HAO2: variants seen among roughly 807,000 people sequenced by gnomAD.
The protein encoded by HAO2 is hydroxyacid oxidase 2, also known as 2-Hydroxyacid oxidase 2.
A neutral mutation model predicts 37.4 loss-of-function variants in HAO2; 42 were observed. The ratio of observed to expected loss-of-function variants is 1.12; its 90% CI spans 0.88 to 1.45. The LOEUF is 1.45. HAO2 is among the 40% of genes most tolerant of loss of function. The pLI, the probability that HAO2 is intolerant of heterozygous loss-of-function variation, is 0.00. For missense variants in HAO2, 476 were observed against 430.2 expected, an observed-to-expected ratio of 1.11 and a Z score of -0.94; for synonymous variants, 180 against 162.8, an observed-to-expected ratio of 1.11 and a Z score of -0.81.
chr1:119,387,861 T>C (rs1385690024), intron 5 of HAO2, among the ~76,000 whole-genome samples: 1 of 152,196 alleles, frequency 6.6e-6, no homozygotes, highest in Non-Finnish European at 1.5e-5. Flanking sequence ...TTCTTTAAGA[T>C]AAATTCCAGG....
At chr1:119,390,273 T>C (rs587654051) in intron 5 of HAO2, among the ~76,000 whole-genome samples, 3 of 152,266 alleles carry the variant, frequency 2.0e-5, no homozygotes, top group South Asian at 4.2e-4. Flanking sequence ...TTTTTTTATT[T>C]GTAGTTTCAC....
chr1:119,384,904 A>G lies in HAO2; in HGVS notation c.412A>G (p.Asn138Asp), dbSNP rs989739010. The change falls in exon 4 of 8, where the codon AAC becomes GAC. Residue 138 changes from asparagine (N) to aspartate (D), a missense_variant. Transcript: ENST00000325945. Reference protein sequence around the residue: ...QLYVHPDLQLNKQLIQRVESL... With the variant: ...QLYVHPDLQLDKQLIQRVESL... ...CTATGTGCATCCAGACCTGCAGCTG[A>G]ACAAACAGTTGATCCAGAGGGTAGA... is the stretch of plus-strand genomic sequence containing the variant. 14 of 1,613,908 alleles carry G rather than the reference A, an allele frequency of 8.7e-6. No homozygotes were observed. Among genetic ancestry groups the G allele is most frequent in the Non-Finnish European group, 1.2e-5 (14 of 1,179,918 alleles).
rs764148838 is a variant in HAO2 at position 119,393,811 on chromosome 1, C to T, written c.1027C>T (p.Arg343Ter). The T allele has an allele frequency of 1.8e-5, 29 of 1,613,158 alleles. No homozygotes were observed. Among genetic ancestry groups the T allele is most frequent in the South Asian group, 7.7e-5 (7 of 91,036 alleles). ...CTGCCGGTCGGTCGCTGAGATCAAT[C>T]GAAACTTGGTCCAGTTTTCCAGGCT... The part of the protein sequence containing the change: ...TGCRSVAEIN[R>*]NLVQFSRL The change falls in exon 8 of 8, where the codon CGA (arginine) becomes TGA (stop). Residue 343 changes from arginine to a stop codon, truncating the protein, a stop_gained. Transcript: ENST00000325945. LOFTEE classifies it high-confidence loss of function.
chr1:119,386,370 T>C (rs1390401658), intron 4 of HAO2, among the ~76,000 whole-genome samples: 1 of 152,002 alleles, frequency 6.6e-6, no homozygotes, highest in South Asian at 2.1e-4. Flanking sequence ...TGCACCACGA[T>C]TTATTTTTTT....
chr1:119,386,779 G>T lies in HAO2; in HGVS notation c.719G>T (p.Gly240Val), dbSNP rs1557853600. ...AELAVKHNVQ[G>V]IIVSNHGGRQ... ...TTAGCTGTGAAGCACAATGTCCAGGGTATCATTGTTTCCAACCATGGTGGG... is the reference window on the plus strand; with the variant it reads ...TTAGCTGTGAAGCACAATGTCCAGGTTATCATTGTTTCCAACCATGGTGGG... Residue 240 changes from glycine to valine, a missense_variant, in exon 5 of 8, where the codon GGT becomes GTT. By Grantham distance (109) the Gly-to-Val change is moderately radical. Coordinates refer to ENST00000325945, the MANE Select transcript of HAO2 (RefSeq NM_016527.4). 1 of 1,613,612 alleles carries T rather than the reference G, an allele frequency of 6.2e-7. No individual in the cohort carries two copies. Among genetic ancestry groups the T allele is most frequent in the Non-Finnish European group, 8.5e-7 (1 of 1,179,556 alleles).
rs142240262 is a variant in HAO2 at position 119,369,881 on chromosome 1, T to TC, written c.-9+987dup. 3.1e-3 allele frequency among the ~76,000 whole-genome samples: 474 copies of TC among 151,360 alleles called. 12 individuals are homozygous for TC. The East Asian group carries it at 0.058, about 19-fold the overall frequency. ...AGAGCAGAAACTGATGTGATAAAGG[T>TC]CCCCCCCCATATCTCTAGTGTTTAG... is the stretch of plus-strand genomic sequence containing the variant. On this transcript the variant is annotated intron_variant, in intron 1 of 7. Transcript: ENST00000325945.
chr1:119,377,983 C>T (rs1313927997), intron 1 of HAO2, among the ~76,000 whole-genome samples: 1 of 152,160 alleles, frequency 6.6e-6, no homozygotes, highest in African/African-American at 2.4e-5. Context: ...AGAAGAATTG[C>T]TTGAACTGGG....
At chr1:119,371,873 A>T (rs17013697) in intron 1 of HAO2, among the ~76,000 whole-genome samples, 1,823 of 152,310 alleles carry the variant, frequency 0.012, 30 homozygotes, top group African/African-American at 0.04. Flanking sequence ...TAATCAAATT[A>T]TTCCACTGTT....
chr1:119,382,376 T>A (rs1326231986), intron 2 of HAO2, among the ~76,000 whole-genome samples: 1 of 152,238 alleles, frequency 6.6e-6, no homozygotes, highest in Non-Finnish European at 1.5e-5. Context: ...TAAATTCTCC[T>A]ACCTTCTTCT....
chr1:119,381,333 A>T lies in HAO2; in HGVS notation c.131+117A>T. ...AAACACAGATCACTCAAGACCTAAT[A>T]ATGTGGATGATTTTGTTGTTGTTTT... On this transcript the variant is annotated intron_variant, in intron 2 of 7. Coordinates refer to ENST00000325945, the MANE Select transcript of HAO2 (RefSeq NM_016527.4). 8.0e-6 allele frequency: 6 copies of T among 750,104 alleles called. No individual in the cohort carries two copies. In the South Asian group the frequency reaches 1.0e-4, roughly 13 times the overall value. The allele number at this position is 750,104 out of a possible 1,614,324, so 46.5% of individuals were successfully genotyped here. A position where few individuals can be genotyped will look rare whatever the true frequency, so the allele number is the denominator to read the frequency against.
At chr1:119,391,411 C>T (rs1276170177) in intron 5 of HAO2, among the ~76,000 whole-genome samples, 1 of 152,142 alleles carries the variant, frequency 6.6e-6, no homozygotes, top group Non-Finnish European at 1.5e-5. Context: ...TGCTCAAGGC[C>T]TATTTGCCTG....
intron 1 of HAO2, among the ~76,000 whole-genome samples, chr1:119,372,530 G>T (rs1649114124): frequency 6.6e-6 from 1 of 152,212 alleles, no homozygotes; most frequent in South Asian, 2.1e-4. Flanking sequence ...CCTGAGAAAG[G>T]CACTCAATAG....
intron 1 of HAO2, among the ~76,000 whole-genome samples, chr1:119,378,851 T>C (rs1649688566): frequency 6.6e-6 from 1 of 152,190 alleles, no homozygotes; most frequent in East Asian, 1.9e-4. Flanking sequence ...ATAATGAAGA[T>C]AAATGACAGG....
Position 119,392,698 on chromosome 1 carries a change from A to T in HAO2, c.1000+11A>T, listed in dbSNP as rs74575149. 7.8e-6 allele frequency: 12 copies of T among 1,545,984 alleles called. 1 individual carries two copies. In the South Asian group the frequency reaches 1.0e-4, roughly 13 times the overall value. The stretch of plus-strand genomic sequence containing the variant: ...CCATGGCCCTTACAGGTAAGTTAAC[A>T]TGTTTTCCCTGATTTGGAACTTAAA... On this transcript the variant is annotated intron_variant, in intron 7 of 7. Transcript: ENST00000325945.
intron 2 of HAO2, 68 bp from the exon 3 acceptor site, chr1:119,382,847 C>T: frequency 1.4e-6 from 2 of 1,476,954 alleles, no homozygotes; most frequent in Non-Finnish European, 9.3e-7. Context: ...GGGGGGTCCA[C>T]CCCAGACAAC....
chr1:119,380,949 T>C (rs1280613656), intron 1 of HAO2, 129 bp from the exon 2 acceptor site: 1 of 826,104 alleles, frequency 1.2e-6, no homozygotes, highest in African/African-American at 1.7e-5. Flanking sequence ...ATAACTCTGT[T>C]AAGATAAGAA....
intron 3 of HAO2, among the ~76,000 whole-genome samples, chr1:119,384,398 C>T (rs6428816): frequency 0.66 from 100,107 of 152,076 alleles, 33,106 homozygotes; most frequent in East Asian, 0.7. Context: ...TCCACTGGAA[C>T]TACATTCCCT....
intron 4 of HAO2, 183 bp downstream of exon 4, chr1:119,385,236 A>G: frequency 1.0e-6 from 1 of 984,672 alleles, no homozygotes; most frequent in East Asian, 1.1e-4. Context: ...GTTTCCAGAC[A>G]AGCACAATCA....
intron 1 of HAO2, among the ~76,000 whole-genome samples, 155 bp from the exon 2 acceptor site, chr1:119,380,923 A>G (rs1225030814): frequency 6.6e-6 from 1 of 152,164 alleles, no homozygotes; most frequent in Non-Finnish European, 1.5e-5. Flanking sequence ...TGGCTTAGGG[A>G]TCACTGGCTT....
Sources: allele counts gnomAD v4.1 joint callset (sites outside exome capture counted in the v4.1 genomes callset), GRCh38; gene constraint gnomAD v4.1.1; transcripts MANE v1.5; gene names NCBI Gene and HGNC (gene_info 2026-07-23, HGNC 2026-07-21).